Variants in GRID1 observed in about 807,000 individuals in gnomAD.
The protein encoded by GRID1 is glutamate ionotropic receptor delta type subunit 1, also known as glutamate receptor ionotropic, delta-1.
In GRID1, 28 loss-of-function variants were observed where a neutral mutation model predicts 98.0. The observed-to-expected ratio is 0.29, with a 90% CI of 0.21 to 0.39. The LOEUF is 0.39. Ranked by LOEUF, GRID1 falls within the 10% of genes least tolerant of loss-of-function variation. The pLI is 1.00. For missense variants in GRID1, 1,111 were observed against 1,340.5 expected, an observed-to-expected ratio of 0.83 and a Z score of 2.67; for synonymous variants, 553 against 538.5, an observed-to-expected ratio of 1.03 and a Z score of -0.37.
In GRID1 at chr10:85,901,407, C is replaced by T. The variant is rs76674975; in HGVS notation, c.780+14779G>A. The stretch of plus-strand genomic sequence containing the variant: ...GACTACAGGTGCCCGCCACCATGCC[C>T]GGCTAATTGTTTTTGTATTTTTAGT... On this transcript the variant is annotated intron_variant, in intron 5 of 15. Coordinates refer to ENST00000327946, the MANE Select transcript of GRID1 (RefSeq NM_017551.3). 1.3e-3 allele frequency among the ~76,000 whole-genome samples: 203 copies of T among 152,040 alleles called. 1 individual carries two copies. Among genetic ancestry groups the T allele is most frequent in the East Asian group, 0.011 (57 of 5,158 alleles).
chr10:86,055,813 T>TTCTCTCTCTCTCTCTCTCTCTC (rs141146400), intron 4 of GRID1, among the ~76,000 whole-genome samples: 2 of 147,350 alleles, frequency 1.4e-5, no homozygotes, highest in African/African-American at 5.0e-5. Context: ...TGTGCTCTCA[T>TTCTCTCTCTCTCTCTCTCTCTC]TCTCTCTCTC....
chr10:86,357,634 ATG>A (rs1164072465), intron 2 of GRID1, among the ~76,000 whole-genome samples: 7 of 152,130 alleles, frequency 4.6e-5, no homozygotes, highest in Non-Finnish European at 7.4e-5. Context: ...ATATGCATGC[ATG>A]TGTGTGTGTG....
chr10:86,059,192 GGTCCACAAGCGTT>G (rs1326569251), intron 4 of GRID1, among the ~76,000 whole-genome samples: 2 of 152,304 alleles, frequency 1.3e-5, no homozygotes, highest in South Asian at 4.1e-4. Flanking sequence ...AGGTGCGGCT[GGTCCACAAGCGTT>G]CTGAGTCTCG....
rs149378540 is a variant in GRID1, at chr10:85,602,448, G to A, written c.2855C>T (p.Pro952Leu). ...GGTCGCCGAGCTGCTCAGCGGCAGCGGCAGGTTGCTGCTGGGCCCTGATGA... is the reference window on the plus strand; with the variant it reads ...GGTCGCCGAGCTGCTCAGCGGCAGCAGCAGGTTGCTGCTGGGCCCTGATGA... ...TLSSGPSSNL[P>L]LPLSSSATMP... The change falls in exon 16 of 16, where the codon CCG (proline) becomes CTG (leucine). Residue 952 changes from proline to leucine, a missense_variant. Coordinates refer to ENST00000327946, the MANE Select transcript of GRID1 (RefSeq NM_017551.3). The A allele has an allele frequency of 7.4e-5, 120 of 1,614,168 alleles. No individual in the cohort carries two copies. The highest frequency in any genetic ancestry group is 6.4e-4 in the African/African-American group (48 of 75,076).
intron 4 of GRID1, among the ~76,000 whole-genome samples, chr10:86,106,907 T>G (rs11815446): frequency 1.3e-5 from 2 of 151,526 alleles, no homozygotes; most frequent in Non-Finnish European, 2.9e-5. Flanking sequence ...GGAAAATGAA[T>G]TGACAACAAG....
chr10:85,870,503 C>A (rs1160831643), intron 5 of GRID1, among the ~76,000 whole-genome samples: 4 of 152,240 alleles, frequency 2.6e-5, no homozygotes, highest in African/African-American at 9.6e-5. Context: ...TACTTCTATC[C>A]TATTAGTCCT....
intron 4 of GRID1, among the ~76,000 whole-genome samples, chr10:86,103,666 C>T (rs554145141): frequency 6.6e-6 from 1 of 152,318 alleles, no homozygotes; most frequent in South Asian, 2.1e-4. Flanking sequence ...CAGCATCTCA[C>T]GTTCTGCTCC....
chr10:85,707,350 C>T (rs1379767962), intron 12 of GRID1, among the ~76,000 whole-genome samples: 1 of 152,088 alleles, frequency 6.6e-6, no homozygotes, highest in Non-Finnish European at 1.5e-5. Flanking sequence ...ATGCAGCCAA[C>T]AGACACATGA....
At chr10:85,881,369 AACTAT>A (rs1311979525) in intron 5 of GRID1, among the ~76,000 whole-genome samples, 1 of 152,228 alleles carries the variant, frequency 6.6e-6, no homozygotes, top group Non-Finnish European at 1.5e-5. Flanking sequence ...CCTGACGTCG[AACTAT>A]ACTACAAGGC....
rs1264072376 is a variant in GRID1 at position 85,997,928 on chromosome 10, TCAGA to T, written c.727-81693_727-81690del. ...AAAAGCCAGAGTAGCTAAATTAACA[TCAGA>T]CAAATGAAATATCAGAGCAAAGAAG... On this transcript the variant is annotated intron_variant, in intron 4 of 15. Transcript: ENST00000327946. Among the ~76,000 whole-genome samples, 5 of 152,100 alleles carry T rather than the reference TCAGA, an allele frequency of 3.3e-5. No homozygotes were observed. The East Asian group carries it at 9.6e-4, about 29-fold the overall frequency.
intron 12 of GRID1, among the ~76,000 whole-genome samples, chr10:85,679,561 A>G (rs1045589055): frequency 6.6e-6 from 1 of 152,214 alleles, no homozygotes; most frequent in Non-Finnish European, 1.5e-5. Flanking sequence ...ACAGATATCA[A>G]TGCCCTGGAG....
chr10:86,234,952 G>A (rs1386648381), intron 2 of GRID1, among the ~76,000 whole-genome samples: 3 of 152,236 alleles, frequency 2.0e-5, no homozygotes, highest in East Asian at 1.9e-4. Flanking sequence ...AAACCTCAAA[G>A]GGAGGGAGGT....
intron 4 of GRID1, among the ~76,000 whole-genome samples, chr10:86,046,962 C>T (rs1411799223): frequency 6.6e-6 from 1 of 152,062 alleles, no homozygotes; most frequent in Non-Finnish European, 1.5e-5. Flanking sequence ...GCAAAAAGGC[C>T]ACATGCGCTC....
chr10:85,773,317 T>C (rs1359319431), intron 8 of GRID1, among the ~76,000 whole-genome samples: 2 of 152,078 alleles, frequency 1.3e-5, no homozygotes, highest in African/African-American at 2.4e-5. Flanking sequence ...ATTGATGGGA[T>C]GTATCTCAAA....
intron 4 of GRID1, among the ~76,000 whole-genome samples, chr10:85,928,347 G>A (rs1396309063): frequency 1.3e-5 from 2 of 152,200 alleles, no homozygotes; most frequent in Non-Finnish European, 2.9e-5. Flanking sequence ...TCACAGGAGC[G>A]GACAGGGATA....
chr10:85,892,092 C>T (rs1019386212), intron 5 of GRID1, among the ~76,000 whole-genome samples: 1 of 150,870 alleles, frequency 6.6e-6, no homozygotes, highest in Non-Finnish European at 1.5e-5. Context: ...ATATGTAATG[C>T]CTGAGATGAA....
chr10:85,861,625 C>T (rs1046877933), intron 6 of GRID1, among the ~76,000 whole-genome samples: 6 of 152,242 alleles, frequency 3.9e-5, no homozygotes, highest in Non-Finnish European at 7.3e-5. Context: ...AAAGGCCAGA[C>T]ATTCACATAG....
chr10:85,890,062 T>C (rs578108367), intron 5 of GRID1, among the ~76,000 whole-genome samples: 1 of 152,232 alleles, frequency 6.6e-6, no homozygotes, highest in East Asian at 1.9e-4. Flanking sequence ...ATCTTCCTAT[T>C]AGCTATCTGA....
At chr10:85,795,833 C>G (rs1267809748) in intron 8 of GRID1, among the ~76,000 whole-genome samples, 1 of 152,142 alleles carries the variant, frequency 6.6e-6, no homozygotes, top group African/African-American at 2.4e-5. Context: ...ATGCACACAA[C>G]AGTAAACAAC....
Sources: allele counts gnomAD v4.1 joint callset (sites outside exome capture counted in the v4.1 genomes callset), GRCh38; gene constraint gnomAD v4.1.1; transcripts MANE v1.5; gene names NCBI Gene and HGNC (gene_info 2026-07-23, HGNC 2026-07-21).